ANO10: variants seen among roughly 807,000 people sequenced by gnomAD.
ANO10 encodes the protein anoctamin 10, also known as anoctamin-10.
ANO10 carries 77 observed loss-of-function variants against 74.7 expected under a neutral mutation model. That is an observed-to-expected ratio of 1.03 (90% CI 0.86 to 1.25). The LOEUF (loss-of-function observed/expected upper bound fraction) is 1.25. ANO10 is among the 50% of genes most tolerant of loss of function. ANO10 has a pLI of 0.00. For synonymous variants in ANO10, 279 were observed against 284.9 expected (o/e 0.98, Z 0.21); for missense variants, 721 against 778.1 (o/e 0.93, Z 0.87).
intron 11 of ANO10, among the ~76,000 whole-genome samples, chr3:43,469,328 G>A (rs1002851620): frequency 5.3e-5 from 8 of 152,116 alleles, no homozygotes; most frequent in Middle Eastern, 6.8e-3. Context: ...TTACAGGCGT[G>A]AGCCACCATG....
intron 1 of ANO10, chr3:43,618,134 C>T (rs1034069115): frequency 1.3e-5 from 2 of 152,238 alleles, no homozygotes; most frequent in Admixed American, 6.5e-5. Flanking sequence ...GGAGAATCAG[C>T]CCCGCATACA....
intron 12 of ANO10, among the ~76,000 whole-genome samples, chr3:43,369,835 G>A (rs2091544958): frequency 1.3e-5 from 2 of 152,250 alleles, no homozygotes; most frequent in Non-Finnish European, 2.9e-5. Flanking sequence ...AGCTGCAACA[G>A]CCCGCTTTCC....
At chr3:43,572,675 A>G (rs189376657) in intron 7 of ANO10, among the ~76,000 whole-genome samples, 130 of 152,336 alleles carry the variant, frequency 8.5e-4, no homozygotes, top group African/African-American at 2.8e-3. Context: ...TCCCTGCTCA[A>G]GAACCTATAG....
rs575736156 is a variant in ANO10 at position 43,447,976 on chromosome 3, G to A, written c.1798-15249C>T. Among the ~76,000 whole-genome samples the A allele has an allele frequency of 2.1e-4, 32 of 152,288 alleles. 1 individual carries two copies. The South Asian group carries it at 6.6e-3, about 32-fold the overall frequency. ...ATTTTGAAGTGCTAACCTCCAACAC[G>A]ATGGTTTTAGGAAGTAGGGTGCTAG... On this transcript the variant is annotated intron_variant, in intron 11 of 12. Transcript: ENST00000292246.
intron 11 of ANO10, among the ~76,000 whole-genome samples, chr3:43,450,298 T>C (rs1193088687): frequency 1.3e-5 from 2 of 152,134 alleles, no homozygotes; most frequent in Non-Finnish European, 2.9e-5. Flanking sequence ...CTCAGCACTT[T>C]GGGAGGGCGA....
chr3:43,528,261 A>G (rs1476522603), intron 11 of ANO10, among the ~76,000 whole-genome samples: 1 of 152,148 alleles, frequency 6.6e-6, no homozygotes, highest in Non-Finnish European at 1.5e-5. Flanking sequence ...TAAAACAGAC[A>G]TTGAGAATCA....
chr3:43,568,108 G>C (rs2080474284), intron 7 of ANO10, among the ~76,000 whole-genome samples: 1 of 152,130 alleles, frequency 6.6e-6, no homozygotes, highest in East Asian at 1.9e-4. Context: ...TAATGGTAAA[G>C]GGATCAATTC....
intron 1 of ANO10, among the ~76,000 whole-genome samples, chr3:43,618,790 T>C (rs1486458665): frequency 6.6e-6 from 1 of 152,098 alleles, no homozygotes; most frequent in Non-Finnish European, 1.5e-5. Context: ...AAAGGCACCT[T>C]ATTAGTTATA....
chr3:43,619,861 C>A (rs1212277718), intron 1 of ANO10, among the ~76,000 whole-genome samples: 5 of 146,884 alleles, frequency 3.4e-5, no homozygotes, highest in African/African-American at 1.3e-4. Flanking sequence ...CAGAGTGAGA[C>A]CTTGTCCAAA....
At position 43,543,057 on chromosome 3, in the gene ANO10, C is replaced by T. The variant is rs563786830; in HGVS notation, c.1797+6663G>A. Among the ~76,000 whole-genome samples, 5 of 152,242 alleles carry T rather than the reference C, an allele frequency of 3.3e-5. No homozygotes were observed. The South Asian group carries it at 1.0e-3, about 32-fold the overall frequency. ...AATGGGCTCACAAGACAAGGTGATA[C>T]CCTAAGAGGCAGTATAGGGATAGAA... On this transcript the variant is annotated intron_variant, in intron 11 of 12. Transcript: ENST00000292246.
chr3:43,631,870 G>A (rs1367785739), intron 1 of ANO10, among the ~76,000 whole-genome samples: 1 of 151,944 alleles, frequency 6.6e-6, no homozygotes, highest in African/African-American at 2.4e-5. Context: ...ATCACCTGAG[G>A]TCAGGAGTTC....
At chr3:43,687,555 C>A (rs2084291168) in intron 1 of ANO10, among the ~76,000 whole-genome samples, 1 of 152,184 alleles carries the variant, frequency 6.6e-6, no homozygotes, top group East Asian at 1.9e-4. Flanking sequence ...CTTTAGGCTA[C>A]AACCCTGGGG....
intron 4 of ANO10, among the ~76,000 whole-genome samples, chr3:43,592,482 A>T (rs1418419419): frequency 2.0e-5 from 3 of 152,240 alleles, no homozygotes; most frequent in African/African-American, 7.2e-5. Context: ...TACCCAGGCA[A>T]ACAGGGTCTG....
intron 1 of ANO10, among the ~76,000 whole-genome samples, chr3:43,665,143 A>T (rs2083974262): frequency 6.6e-6 from 1 of 152,228 alleles, no homozygotes; most frequent in Admixed American, 6.5e-5. Flanking sequence ...TATCAATGAT[A>T]GACTGGATTA....
At chr3:43,430,687 T>C (rs2092967453) in intron 12 of ANO10, among the ~76,000 whole-genome samples, 1 of 152,156 alleles carries the variant, frequency 6.6e-6, no homozygotes, top group Admixed American at 6.5e-5. Context: ...ATTATAATTA[T>C]TGTACTATTC....
At position 43,652,614 on chromosome 3, in the gene ANO10, G is replaced by A. The variant is rs1224037890; in HGVS notation, c.-12+38903C>T. The stretch of plus-strand genomic sequence containing the variant: ...CTCCATAAATAAAACTAAACCACTG[G>A]ATAGTACACCTTAAGTGGGTGGATT... On this transcript the variant is annotated intron_variant, in intron 1 of 3. Coordinates refer to the ANO10 transcript ENST00000413397. 1.6e-4 allele frequency among the ~76,000 whole-genome samples: 24 copies of A among 152,146 alleles called. No homozygotes were observed. The South Asian group carries it at 4.6e-3, about 29-fold the overall frequency.
chr3:43,443,678 T>C, intron 11 of ANO10, among the ~76,000 whole-genome samples: 1 of 68,942 alleles, frequency 1.5e-5, no homozygotes, highest in Non-Finnish European at 3.5e-5. Context: ...CTTCCTTCCT[T>C]CTTTTTTTTT....
intron 8 of ANO10, among the ~76,000 whole-genome samples, chr3:43,562,490 G>T (rs919882149): frequency 1.4e-5 from 2 of 139,076 alleles, no homozygotes; most frequent in African/African-American, 5.7e-5. Flanking sequence ...AGACCAGCCT[G>T]GCCAACATGG....
intron 7 of ANO10, among the ~76,000 whole-genome samples, chr3:43,571,509 A>T (rs1166404509): frequency 6.6e-6 from 1 of 152,226 alleles, no homozygotes; most frequent in East Asian, 1.9e-4. Flanking sequence ...GCAGCCAGAA[A>T]AAATGATGAG....
Sources: gnomAD v4.1 joint callset for allele counts (sites outside exome capture counted in the v4.1 genomes callset) on GRCh38, gnomAD v4.1.1 for gene constraint, MANE v1.5 for transcripts, NCBI Gene and HGNC (gene_info 2026-07-23, HGNC 2026-07-21) for gene names.